The following DRAM1 variants were observed in gnomAD, a reference collection of about 807,000 sequenced individuals.
The protein encoded by DRAM1 is DNA damage regulated autophagy modulator 1.
Under a neutral mutation model 28.5 loss-of-function variants are expected in DRAM1, and 25 were observed. The observed-to-expected ratio is 0.88, with a 90% CI of 0.64 to 1.23. The LOEUF (loss-of-function observed/expected upper bound fraction) is 1.23. DRAM1 is among the 50% of genes most tolerant of loss of function. The pLI is 0.00. For synonymous variants in DRAM1, 113 were observed against 114.2 expected, an observed-to-expected ratio of 0.99 and a Z score of 0.07; for missense variants, 249 against 299.2, an observed-to-expected ratio of 0.83 and a Z score of 1.24.
At chr12:101,878,652 G>A (rs1256890976) in intron 1 of DRAM1, among the ~76,000 whole-genome samples, 1 of 152,186 alleles carries the variant, frequency 6.6e-6, no homozygotes, top group Admixed American at 6.5e-5. Context: ...TCAGTGCCAG[G>A]GACAGTGGTC....
At chr12:101,921,125 C>G (rs1203571580) in intron 6 of DRAM1, 91 bp from the exon 7 acceptor site, 1 of 927,348 alleles carries the variant, frequency 1.1e-6, no homozygotes, top group African/African-American at 1.6e-5. Flanking sequence ...GAGATCATTC[C>G]TTAGGTGGTG....
Position 101,895,790 on chromosome 12 carries a change from T to C in DRAM1, c.132-2073T>C, listed in dbSNP as rs1370506380. Among the ~76,000 whole-genome samples the C allele has an allele frequency of 2.4e-4, 36 of 152,046 alleles. 1 individual carries two copies. ...TTTCACCATGTTGGCCAGGCTGGTC[T>C]TGAACTCCTGACCTCGTGATCCACC... On this transcript the variant is annotated intron_variant, in intron 1 of 6. Transcript: ENST00000258534.
intron 5 of DRAM1, among the ~76,000 whole-genome samples, chr12:101,915,197 T>C (rs1020773023): frequency 2.0e-5 from 3 of 151,982 alleles, no homozygotes; most frequent in African/African-American, 7.3e-5. Flanking sequence ...GCCAGGATGG[T>C]CTCGATCTCC....
At chr12:101,879,684 C>T (rs745327549) in intron 1 of DRAM1, among the ~76,000 whole-genome samples, 2 of 151,898 alleles carry the variant, frequency 1.3e-5, no homozygotes, top group African/African-American at 2.4e-5. Context: ...ATAGATCCTT[C>T]TAGACTTGTG....
At chr12:101,898,047 C>CCCTGTCTCAGAAA in intron 2 of DRAM1, 117 bp downstream of exon 2, 2 of 612,364 alleles carry the variant, frequency 3.3e-6, no homozygotes, top group Non-Finnish European at 2.6e-6. Flanking sequence ...TTTTCTGAGA[C>CCCTGTCTCAGAAA]AGGGTCTCTG....
intron 1 of DRAM1, among the ~76,000 whole-genome samples, chr12:101,897,386 G>A (rs1309173778): frequency 6.6e-6 from 1 of 151,370 alleles, no homozygotes; most frequent in Non-Finnish European, 1.5e-5. Context: ...TTTTAGTAGA[G>A]ATGGGGGTTT....
intron 1 of DRAM1, among the ~76,000 whole-genome samples, chr12:101,890,890 A>G (rs1188932456): frequency 6.6e-6 from 1 of 151,870 alleles, no homozygotes; most frequent in African/African-American, 2.4e-5. Flanking sequence ...AGCTGGGACT[A>G]CAGGCGCCCG....
rs780557548 is a variant in DRAM1 at position 101,881,415 on chromosome 12, G to A, written c.131+3495G>A. 4.1e-4 allele frequency among the ~76,000 whole-genome samples: 63 copies of A among 151,978 alleles called. 1 individual carries two copies. Among genetic ancestry groups the A allele is most frequent in the East Asian group, 3.9e-4 (2 of 5,176 alleles). On this transcript the variant is annotated intron_variant, in intron 1 of 6. Coordinates refer to ENST00000258534, the MANE Select transcript of DRAM1 (RefSeq NM_018370.3). ...TTGCTATGTTGCCCAGGCTGGTCTC[G>A]AACTCCATGGCTCAAGCAATCCCCT...
At chr12:101,910,075 G>A (rs983211026) in intron 4 of DRAM1, among the ~76,000 whole-genome samples, 1 of 152,184 alleles carries the variant, frequency 6.6e-6, no homozygotes, top group Non-Finnish European at 1.5e-5. Context: ...ACTACAAAAT[G>A]TGAAGTCTAA....
intron 1 of DRAM1, among the ~76,000 whole-genome samples, chr12:101,887,420 C>T (rs1438058465): frequency 2.0e-5 from 3 of 152,112 alleles, no homozygotes; most frequent in African/African-American, 4.8e-5. Flanking sequence ...ACTCTTGTAA[C>T]GGCTTTGGTC....
chr12:101,897,248 C>T lies in DRAM1; in HGVS notation c.132-615C>T, dbSNP rs964061890. On this transcript the variant is annotated intron_variant, in intron 1 of 6. Coordinates refer to ENST00000258534, the MANE Select transcript of DRAM1 (RefSeq NM_018370.3). ...CGAGTCTTGCTCTGTTGCCCAGGCTCGAATGCAGTGGCATGATCTCGGCTC... is the reference window on the plus strand; with the variant it reads ...CGAGTCTTGCTCTGTTGCCCAGGCTTGAATGCAGTGGCATGATCTCGGCTC... Among the ~76,000 whole-genome samples the T allele has an allele frequency of 3.3e-5, 5 of 150,788 alleles. No homozygotes were observed. The South Asian group carries it at 6.3e-4, about 19-fold the overall frequency.
chr12:101,899,185 GTCC>G (rs1343642181), intron 2 of DRAM1, among the ~76,000 whole-genome samples: 1 of 152,168 alleles, frequency 6.6e-6, no homozygotes, highest in Non-Finnish European at 1.5e-5. Context: ...ACCATTTGTA[GTCC>G]TCCTAAAGTT....
At chr12:101,899,748 G>A (rs1170054590) in intron 2 of DRAM1, among the ~76,000 whole-genome samples, 2 of 151,434 alleles carry the variant, frequency 1.3e-5, no homozygotes, top group African/African-American at 2.4e-5. Flanking sequence ...AAAAATTCAG[G>A]AATAGATTAT....
chr12:101,921,365 C>A lies in DRAM1; in HGVS notation c.*105C>A. 1 of 818,336 alleles carries A rather than the reference C, an allele frequency of 1.2e-6. No homozygotes were observed. The highest frequency in any genetic ancestry group is 2.1e-6 in the Non-Finnish European group (1 of 471,240). The allele number at this position is 818,336 out of a possible 1,614,324, so 50.7% of individuals were successfully genotyped here. The stretch of plus-strand genomic sequence containing the variant: ...GGCCACCCTGATTATTGGGATGCAT[C>A]TGCAGCACATCCAGGACTTGAATTT... On this transcript the variant is annotated 3_prime_UTR_variant, in exon 7 of 7. Coordinates refer to ENST00000258534, the MANE Select transcript of DRAM1 (RefSeq NM_018370.3).
chr12:101,920,059 T>C, intron 5 of DRAM1, 50 bp from the exon 6 acceptor site: 1 of 1,358,802 alleles, frequency 7.4e-7, no homozygotes. Context: ...AGTATGTACA[T>C]TAAAGTGAGT....
chr12:101,886,918 G>T (rs529590290), intron 1 of DRAM1, among the ~76,000 whole-genome samples: 1 of 152,140 alleles, frequency 6.6e-6, no homozygotes, highest in East Asian at 1.9e-4. Context: ...GGCTGAGGTG[G>T]GCGGATCACT....
chr12:101,892,425 TG>T (rs1314441094), intron 1 of DRAM1, among the ~76,000 whole-genome samples: 50 of 24,304 alleles, frequency 2.1e-3, no homozygotes, highest in African/African-American at 0.014. Context: ...TTTTTTTTTT[TG>T]TATTTTTAGT....
At chr12:101,880,862 C>G (rs765144815) in intron 1 of DRAM1, among the ~76,000 whole-genome samples, 16 of 152,244 alleles carry the variant, frequency 1.1e-4, no homozygotes, top group Admixed American at 2.6e-4. Context: ...AACAAGGAAG[C>G]CTTCAGGAAA....
intron 4 of DRAM1, among the ~76,000 whole-genome samples, chr12:101,909,787 T>A (rs1020300997): frequency 6.6e-6 from 1 of 152,234 alleles, no homozygotes; most frequent in Non-Finnish European, 1.5e-5. Flanking sequence ...CCCTTTTTCT[T>A]TTCTTTAATG....
Sources: gnomAD v4.1 joint callset for allele counts (sites outside exome capture counted in the v4.1 genomes callset) on GRCh38, gnomAD v4.1.1 for gene constraint, MANE v1.5 for transcripts, NCBI Gene and HGNC (gene_info 2026-07-23, HGNC 2026-07-21) for gene names.